The following NMBR variants were observed in gnomAD, a reference collection of about 807,000 sequenced individuals.
The protein encoded by NMBR is neuromedin B receptor.
Under a neutral mutation model 20.5 loss-of-function variants are expected in NMBR, and 16 were observed. The ratio of observed to expected loss-of-function variants is 0.78; its 90% CI spans 0.53 to 1.19. The LOEUF is 1.19. Ranked by LOEUF, NMBR falls within the 50% of genes most tolerant of loss-of-function variation. NMBR has a pLI of 0.00. For missense variants in NMBR, 582 were observed against 499.1 expected, an observed-to-expected ratio of 1.17 and a Z score of -1.58; for synonymous variants, 212 against 196.6, an observed-to-expected ratio of 1.08 and a Z score of -0.65.
At chr6:142,141,172 G>T (rs1778355622) in intron 1 of NMBR, among the ~76,000 whole-genome samples, 1 of 152,112 alleles carries the variant, frequency 6.6e-6, no homozygotes, top group Non-Finnish European at 1.5e-5. Flanking sequence ...GAGATCATTT[G>T]CTGGCCCATA....
intron 2 of NMBR, among the ~76,000 whole-genome samples, chr6:142,085,661 ATGC>A (rs1481484369): frequency 1.8e-4 from 28 of 152,178 alleles, no homozygotes; most frequent in Admixed American, 1.8e-3. Flanking sequence ...CAATCTAATG[ATGC>A]TGACATCAAT....
At chr6:142,120,403 TG>T (rs977343541) in intron 1 of NMBR, among the ~76,000 whole-genome samples, 17 of 151,566 alleles carry the variant, frequency 1.1e-4, no homozygotes, top group African/African-American at 4.1e-4. Context: ...CAGAGATCAA[TG>T]TTGGAGGAAT....
chr6:142,136,609 T>C (rs1180803001), intron 1 of NMBR, among the ~76,000 whole-genome samples: 2 of 152,212 alleles, frequency 1.3e-5, no homozygotes, highest in Non-Finnish European at 2.9e-5. Flanking sequence ...GGTTTTCTTC[T>C]AGGGTTTTTA....
intron 1 of NMBR, among the ~76,000 whole-genome samples, chr6:142,135,830 A>AT (rs1236509414): frequency 2.0e-5 from 3 of 151,792 alleles, no homozygotes; most frequent in African/African-American, 7.3e-5. Flanking sequence ...TGAACTCACC[A>AT]TTTTTTATGG....
chr6:142,123,052 C>T (rs913636664), intron 1 of NMBR, among the ~76,000 whole-genome samples: 1 of 151,866 alleles, frequency 6.6e-6, no homozygotes, highest in African/African-American at 2.4e-5. Context: ...TCTGATAGAT[C>T]TGGTCAAAGT....
chr6:142,129,227 A>T (rs898607727), intron 1 of NMBR, among the ~76,000 whole-genome samples: 1 of 152,006 alleles, frequency 6.6e-6, no homozygotes, highest in African/African-American at 2.4e-5. Flanking sequence ...TAGTACTGGC[A>T]TATAGTAGTG....
At chr6:142,136,978 G>A (rs1432053617) in intron 1 of NMBR, among the ~76,000 whole-genome samples, 5 of 152,052 alleles carry the variant, frequency 3.3e-5, no homozygotes. Context: ...TGGTGATGTG[G>A]GCTCTTTTTT....
In NMBR at chr6:142,088,806, C is replaced by A; in HGVS notation, c.-148G>T. The A allele has an allele frequency of 1.4e-6, 1 of 693,782 alleles. No individual in the cohort carries two copies. Among genetic ancestry groups the A allele is most frequent in the Non-Finnish European group, 2.4e-6 (1 of 421,914 alleles). The allele number at this position is 693,782 out of a possible 1,614,324, so 43.0% of individuals were successfully genotyped here. ...GGGGCAAGCCTCACAGCACCACGTC[C>A]CTAAGAGTTCAGGACCTGGGGAGGG... is the stretch of plus-strand genomic sequence containing the variant. On this transcript the variant is annotated 5_prime_UTR_variant, in exon 2 of 4. Transcript: ENST00000258042.
At chr6:142,089,471 A>C (rs1365727015) in intron 1 of NMBR, among the ~76,000 whole-genome samples, 150 bp from the exon 2 acceptor site, 1 of 152,250 alleles carries the variant, frequency 6.6e-6, no homozygotes, top group Admixed American at 6.5e-5. Flanking sequence ...TTTTAAATTT[A>C]TATTTTATTG....
intron 1 of NMBR, among the ~76,000 whole-genome samples, chr6:142,143,244 C>T (rs537932685): frequency 2.3e-4 from 35 of 152,182 alleles, no homozygotes; most frequent in African/African-American, 7.2e-4. Context: ...ATGAAAACTA[C>T]GAAACAGTGA....
chr6:142,079,137 G>C (rs1777038359), intron 2 of NMBR, among the ~76,000 whole-genome samples: 1 of 103,526 alleles, frequency 9.7e-6, no homozygotes, highest in South Asian at 2.8e-4. Flanking sequence ...AAGAAAGAAA[G>C]AAAGAAAAAG....
At chr6:142,112,301 A>T (rs1479296532) in intron 1 of NMBR, among the ~76,000 whole-genome samples, 1 of 152,250 alleles carries the variant, frequency 6.6e-6, no homozygotes, top group Non-Finnish European at 1.5e-5. Context: ...TTTCATGTTT[A>T]ACAGAATCAC....
chr6:142,134,397 A>G, intron 1 of NMBR: 1 of 455,214 alleles, frequency 2.2e-6, no homozygotes, highest in Non-Finnish European at 3.8e-6. Flanking sequence ...CATTATATTA[A>G]GACACATATA....
chr6:142,113,098 A>G (rs939318954), intron 1 of NMBR, among the ~76,000 whole-genome samples: 2 of 152,106 alleles, frequency 1.3e-5, no homozygotes, highest in Non-Finnish European at 2.9e-5. Context: ...AACTAAATTT[A>G]TGATACATGC....
At chr6:142,140,531 A>G (rs1181181541) in intron 1 of NMBR, among the ~76,000 whole-genome samples, 1 of 152,142 alleles carries the variant, frequency 6.6e-6, no homozygotes, top group Non-Finnish European at 1.5e-5. Flanking sequence ...TAGAAACAAT[A>G]ACAAGGTAGT....
intron 1 of NMBR, among the ~76,000 whole-genome samples, chr6:142,133,464 CATT>C (rs1380853779): frequency 6.6e-6 from 1 of 152,118 alleles, no homozygotes; most frequent in Non-Finnish European, 1.5e-5. Flanking sequence ...AATTAATAAA[CATT>C]ATTTGGTTGT....
rs145216588 is a variant in NMBR, at chr6:142,088,784, G to T, written c.-126C>A. 1.3e-4 allele frequency: 110 copies of T among 851,828 alleles called. No homozygotes were observed. In the African/African-American group the frequency reaches 1.8e-3, roughly 14 times the overall value. 52.8% of individuals were successfully genotyped at this position (851,828 alleles called of 1,614,324 possible). ...CCCCTGCAAGTTTACTGTCCGCGGGGCAAGCCTCACAGCACCACGTCCCTA... is the reference window on the plus strand; with the variant it reads ...CCCCTGCAAGTTTACTGTCCGCGGGTCAAGCCTCACAGCACCACGTCCCTA... On this transcript the variant is annotated 5_prime_UTR_variant, in exon 2 of 4. Coordinates refer to ENST00000258042, the MANE Select transcript of NMBR (RefSeq NM_002511.4).
intron 1 of NMBR, chr6:142,133,904 C>T (rs781734823): frequency 7.1e-6 from 5 of 701,866 alleles, no homozygotes; most frequent in East Asian, 5.4e-5. Context: ...TGGATCGATC[C>T]GAATATTCTT....
In NMBR at chr6:142,139,328, C is replaced by T. The variant is rs1778324124; in HGVS notation, c.-664+7716G>A. ...GGTAGGGCATTGTCAACGTATATCC[C>T]TTTATTAAGGGATTTTTCCACTCTG... On this transcript the variant is annotated intron_variant, in intron 1 of 3. Transcript: ENST00000258042. Among the ~76,000 whole-genome samples the T allele has an allele frequency of 2.0e-5, 3 of 152,140 alleles. No individual in the cohort carries two copies. The South Asian group carries it at 6.2e-4, about 32-fold the overall frequency.
Sources: allele counts gnomAD v4.1 joint callset (sites outside exome capture counted in the v4.1 genomes callset), GRCh38; gene constraint gnomAD v4.1.1; transcripts MANE v1.5; gene names NCBI Gene and HGNC (gene_info 2026-07-23, HGNC 2026-07-21).